Variants in CARM1 observed in about 807,000 individuals in gnomAD.
The protein encoded by CARM1 is histone-arginine methyltransferase CARM1.
In CARM1, 14 loss-of-function variants were observed where a neutral mutation model predicts 72.7. The observed-to-expected ratio is 0.19, with a 90% CI of 0.13 to 0.30. The LOEUF is 0.30. CARM1 is among the 10% of genes least tolerant of loss of function. The pLI is 1.00. For missense variants in CARM1, 432 were observed against 833.7 expected (o/e 0.52, Z 5.93); for synonymous variants, 333 against 345.5 (o/e 0.96, Z 0.40).
intron 9 of CARM1, 40 bp from the exon 10 acceptor site, chr19:10,919,837 T>G: frequency 6.4e-7 from 1 of 1,561,132 alleles, no homozygotes; most frequent in Non-Finnish European, 8.8e-7. Context: ...CGGCAGCGCC[T>G]GTCTGGCTTC....
Position 10,913,906 on chromosome 19 carries a change from C to T in CARM1, c.699C>T (p.Asp233=). The part of the protein sequence containing the change: ...EVLVKSNNLT[D]RIVVIPGKVE... ...TGGTGAAGAGTAACAACCTGACGGA[C>T]CGCATCGTGGTCATCCCGGGCAAGG... Residue 233 remains aspartate, a synonymous_variant, in exon 6 of 16, where the codon GAC becomes GAT. Transcript: ENST00000327064. The T allele has an allele frequency of 6.2e-6, 10 of 1,613,480 alleles. No individual in the cohort carries two copies. Among genetic ancestry groups the T allele is most frequent in the South Asian group, 1.1e-5 (1 of 91,070 alleles).
chr19:10,919,465 TG>T (rs2074223180), intron 8 of CARM1, 129 bp from the exon 9 acceptor site: 1 of 681,454 alleles, frequency 1.5e-6, no homozygotes, highest in Non-Finnish European at 2.6e-6. Flanking sequence ...ACGGCGTGTC[TG>T]GGAAGAGCAA....
chr19:10,902,612 T>G (rs2074074614), intron 1 of CARM1, among the ~76,000 whole-genome samples: 1 of 150,860 alleles, frequency 6.6e-6, no homozygotes, highest in Admixed American at 6.6e-5. Context: ...CCCAGACTTT[T>G]TTTTTTTTTT....
At chr19:10,882,650 T>A (rs1019228518) in intron 1 of CARM1, among the ~76,000 whole-genome samples, 1 of 151,782 alleles carries the variant, frequency 6.6e-6, no homozygotes, top group African/African-American at 2.4e-5. Flanking sequence ...CAAGTGATTC[T>A]TGTGCCTCAG....
At chr19:10,911,978 G>T (rs1190636283) in intron 4 of CARM1, among the ~76,000 whole-genome samples, 1 of 152,198 alleles carries the variant, frequency 6.6e-6, no homozygotes, top group East Asian at 1.9e-4. Flanking sequence ...GGGGCCGAGC[G>T]GGAGCTTCCC....
At chr19:10,880,035 G>T (rs1407852813) in intron 1 of CARM1, among the ~76,000 whole-genome samples, 1 of 152,218 alleles carries the variant, frequency 6.6e-6, no homozygotes, top group Non-Finnish European at 1.5e-5. Flanking sequence ...ACAGAAGCTG[G>T]AGTGTGGTGT....
Position 10,921,768 on chromosome 19 carries a change from C to A in CARM1, c.*11C>A. On this transcript the variant is annotated 3_prime_UTR_variant, in exon 16 of 16. Transcript: ENST00000327064. ...CACTACGGGAGCTAGGGGCCCGCCC[C>A]GCGGACTGACAGCACCAGGAAACCA... 1 of 1,575,996 alleles carries A rather than the reference C, an allele frequency of 6.3e-7. No homozygotes were observed.
At chr19:10,872,753 ATTC>A (rs779073401) in intron 1 of CARM1, among the ~76,000 whole-genome samples, 18 of 151,250 alleles carry the variant, frequency 1.2e-4, no homozygotes, top group Non-Finnish European at 2.4e-4. Context: ...TTTGTAGTTC[ATTC>A]TTCTTCTTGT....
Position 10,916,288 on chromosome 19 carries a change from C to T in CARM1, c.848-119C>T, listed in dbSNP as rs78158997. The T allele has an allele frequency of 1.7e-3, 1,158 of 676,938 alleles. 12 individuals are homozygous for T. The African/African-American group carries it at 0.017, about 10-fold the overall frequency. The allele number at this position is 676,938 out of a possible 1,614,324, so 41.9% of individuals were successfully genotyped here. A position where few individuals can be genotyped will look rare whatever the true frequency, so the allele number is the denominator to read the frequency against. ...TGCCACTGTCACAGGAGTGCAGGAA[C>T]GAATGGATGACAGGCTGGGAGCACC... On this transcript the variant is annotated intron_variant, in intron 6 of 15. Coordinates refer to ENST00000327064, the MANE Select transcript of CARM1 (RefSeq NM_199141.2). The surrounding 1 kb of genome is among the most constrained non-coding windows in gnomAD (Gnocchi z 4.4).
chr19:10,872,440 T>C (rs1489133237), intron 1 of CARM1, among the ~76,000 whole-genome samples: 1 of 152,026 alleles, frequency 6.6e-6, no homozygotes, highest in Non-Finnish European at 1.5e-5. Flanking sequence ...AGTACCGAGT[T>C]CCACCGCTGT....
At chr19:10,889,128 G>A (rs939338074) in intron 1 of CARM1, among the ~76,000 whole-genome samples, 1 of 152,200 alleles carries the variant, frequency 6.6e-6, no homozygotes. Context: ...TGTCTCCTGA[G>A]ATCTGACCTG....
chr19:10,884,210 G>A (rs1351514848), intron 1 of CARM1, among the ~76,000 whole-genome samples: 3 of 150,116 alleles, frequency 2.0e-5, no homozygotes, highest in East Asian at 3.9e-4. Flanking sequence ...GCATGGTGGC[G>A]CATGCCTGTA....
At chr19:10,872,988 C>T (rs926689128) in intron 1 of CARM1, among the ~76,000 whole-genome samples, 1 of 152,102 alleles carries the variant, frequency 6.6e-6, no homozygotes, top group African/African-American at 2.4e-5. Context: ...CCCTGCACCT[C>T]GACTTTGAAA....
chr19:10,873,214 A>G lies in CARM1; in HGVS notation c.220+1292A>G, dbSNP rs560401307. ...GGTAGCCAACTTTGTCCTGAACAGAACAAAGCGGGGCAGCGTTTCCAAAAC... is the reference window on the plus strand; with the variant it reads ...GGTAGCCAACTTTGTCCTGAACAGAGCAAAGCGGGGCAGCGTTTCCAAAAC... On this transcript the variant is annotated intron_variant, in intron 1 of 15. Transcript: ENST00000327064. Among the ~76,000 whole-genome samples, 8 of 152,302 alleles carry G rather than the reference A, an allele frequency of 5.3e-5. No individual in the cohort carries two copies. The East Asian group carries it at 1.5e-3, about 29-fold the overall frequency.
Position 10,912,096 on chromosome 19 carries a change from C to T in CARM1, c.559-88C>T, listed in dbSNP as rs1424378389. On this transcript the variant is annotated intron_variant, in intron 4 of 15. Transcript: ENST00000327064. The surrounding 1 kb of genome is among the most constrained non-coding windows in gnomAD (Gnocchi z 4.5). ...ACATTGAGAGTGAAGACAGACGCCT[C>T]ATGATGTGCACATCCCTTATGATCA... 2 of 936,994 alleles carry T rather than the reference C, an allele frequency of 2.1e-6. No individual in the cohort carries two copies. Among genetic ancestry groups the T allele is most frequent in the African/African-American group, 1.6e-5 (1 of 62,000 alleles). 58.0% of individuals were successfully genotyped at this position (936,994 alleles called of 1,614,324 possible).
Position 10,921,618 on chromosome 19 carries a change from C to T in CARM1, c.1688C>T (p.Ser563Phe), listed in dbSNP as rs1414430904. ...SIMSTGIVQG[S>F]SGAQGSGGGS... is the part of the protein sequence containing the mutation. ...ACTGCCATTGCCTGCTCCACAGGGT[C>T]CTCCGGCGCCCAGGGCAGTGGTGGT... is the stretch of plus-strand genomic sequence containing the variant. Residue 563 changes from serine to phenylalanine, a missense_variant, in exon 16 of 16, where the codon TCC becomes TTC. By Grantham distance (155) the Ser-to-Phe change is radical. Around this residue, in one of 3 missense-constraint regions of CARM1, gnomAD observed 142 missense variants for 188.7 expected, o/e 0.75. Coordinates refer to ENST00000327064, the MANE Select transcript of CARM1 (RefSeq NM_199141.2). 2 of 1,610,464 alleles carry T rather than the reference C, an allele frequency of 1.2e-6. No individual in the cohort carries two copies. The highest frequency in any genetic ancestry group is 1.7e-6 in the Non-Finnish European group (2 of 1,177,892).
Position 10,896,503 on chromosome 19 carries a change from G to A in CARM1, c.221-8448G>A, listed in dbSNP as rs1458875564. On this transcript the variant is annotated intron_variant, in intron 1 of 15. Coordinates refer to ENST00000327064, the MANE Select transcript of CARM1 (RefSeq NM_199141.2). The surrounding 1 kb of genome is among the most constrained non-coding windows in gnomAD (Gnocchi z 5.2). The stretch of plus-strand genomic sequence containing the variant: ...CTCCTTCCCTATCCTGTGTGACGGT[G>A]GGTCTCTCCCCACCCTGCGCAAGAT... Among the ~76,000 whole-genome samples the A allele has an allele frequency of 2.0e-5, 3 of 151,962 alleles. No individual in the cohort carries two copies. The highest frequency in any genetic ancestry group is 4.8e-5 in the African/African-American group (2 of 41,338).
In CARM1 at chr19:10,920,981, G is replaced by A. The variant is rs763127258; in HGVS notation, c.1537+35G>A. On this transcript the variant is annotated intron_variant, in intron 13 of 15. Coordinates refer to ENST00000327064, the MANE Select transcript of CARM1 (RefSeq NM_199141.2). The surrounding 1 kb of genome is among the most constrained non-coding windows in gnomAD (Gnocchi z 5.3). ...GCCCACCCCAATGCCCAGCCAACCC[G>A]GGAGGCCGCCCTCGCCGCAGGCCTG... The A allele has an allele frequency of 1.2e-5, 20 of 1,612,866 alleles. No homozygotes were observed. Among genetic ancestry groups the A allele is most frequent in the African/African-American group, 6.7e-5 (5 of 74,938 alleles).
intron 1 of CARM1, among the ~76,000 whole-genome samples, chr19:10,872,452 C>A (rs1298996776): frequency 6.6e-6 from 1 of 152,016 alleles, no homozygotes; most frequent in Non-Finnish European, 1.5e-5. Flanking sequence ...CACCGCTGTG[C>A]GAGGTGTGGC....
Sources: allele counts gnomAD v4.1 joint callset (sites outside exome capture counted in the v4.1 genomes callset), GRCh38; gene constraint gnomAD v4.1.1; regional missense constraint gnomAD v4.1.1; non-coding constraint Gnocchi (gnomAD v3.1); transcripts MANE v1.5; gene names NCBI Gene and HGNC (gene_info 2026-07-23, HGNC 2026-07-21).